Variants in SYTL5 observed in about 807,000 individuals in gnomAD.
SYTL5 encodes the protein synaptotagmin-like protein 5.
SYTL5 carries 34 observed loss-of-function variants against 55.9 expected under a neutral mutation model. The observed-to-expected ratio is 0.61, with a 90% confidence interval of 0.46 to 0.81. The LOEUF (loss-of-function observed/expected upper bound fraction) is 0.81. Among genes scored for constraint, SYTL5 ranks in the 30% least tolerant of loss-of-function variants. The pLI is 0.00. For synonymous variants in SYTL5, 221 were observed against 188.7 expected, an observed-to-expected ratio of 1.17 and a Z score of -1.40; for missense variants, 637 against 546.7, an observed-to-expected ratio of 1.17 and a Z score of -1.65.
the SYTL5 span, among the ~76,000 whole-genome samples, chrX:37,949,565 A>G: frequency 0.042 from 4,697 of 111,408 alleles, 238 homozygotes; most frequent in African/African-American, 0.15. Flanking sequence ...AATTTCTTAC[A>G]CCTCACAAGA....
the SYTL5 span, among the ~76,000 whole-genome samples, chrX:38,000,647 C>T: frequency 8.9e-6 from 1 of 112,588 alleles, no homozygotes; most frequent in Non-Finnish European, 1.9e-5. Flanking sequence ...GACCCACTGC[C>T]TTATCGCAAG....
At chrX:37,955,046 TC>T in the SYTL5 span, among the ~76,000 whole-genome samples, 1 of 111,327 alleles carries the variant, frequency 9.0e-6, no homozygotes. Flanking sequence ...GAACACTGGA[TC>T]TTTTTACCAC....
chrX:38,035,755 C>T (rs1006507763), intron 2 of SYTL5, among the ~76,000 whole-genome samples: 5 of 108,662 alleles, frequency 4.6e-5, no homozygotes, highest in South Asian at 8.1e-4. Context: ...ATTAGCAGGG[C>T]GTGGTGGTGC....
intron 5 of SYTL5, among the ~76,000 whole-genome samples, chrX:38,076,241 C>G (rs931648438): frequency 2.7e-5 from 3 of 112,023 alleles, no homozygotes; most frequent in Non-Finnish European, 5.6e-5. Context: ...ACTCTCTATT[C>G]TCACTATTCC....
chrX:38,113,244 CA>C (rs753244815), intron 13 of SYTL5, among the ~76,000 whole-genome samples: 1 of 112,284 alleles, frequency 8.9e-6, no homozygotes, highest in African/African-American at 3.2e-5. Flanking sequence ...AAGGTTTTAT[CA>C]GTATGAATTG....
upstream of SYTL5, among the ~76,000 whole-genome samples, chrX:38,005,220 A>G (rs1933960090): frequency 8.9e-6 from 1 of 111,781 alleles, no homozygotes; most frequent in Admixed American, 9.5e-5. Context: ...ATTCTATGGA[A>G]ATGCCAATAT....
chrX:38,086,372 A>G (rs1446364089), intron 6 of SYTL5, among the ~76,000 whole-genome samples: 1 of 112,302 alleles, frequency 8.9e-6, no homozygotes, highest in Non-Finnish European at 1.9e-5. Context: ...AATTAGAGAT[A>G]ACAAAACAGA....
chrX:38,017,986 C>T (rs910990174), intron 1 of SYTL5, among the ~76,000 whole-genome samples: 3 of 109,266 alleles, frequency 2.7e-5, no homozygotes, highest in African/African-American at 1.0e-4. Context: ...TCCTTCAGAC[C>T]CCCAATAAAC....
chrX:37,922,816 G>A, the SYTL5 span, among the ~76,000 whole-genome samples: 5 of 111,239 alleles, frequency 4.5e-5, no homozygotes, highest in African/African-American at 1.3e-4. Context: ...CAAGCTTAAC[G>A]TGAATTTTCT....
chrX:37,980,707 T>G, the SYTL5 span, among the ~76,000 whole-genome samples: 1 of 111,358 alleles, frequency 9.0e-6, no homozygotes, highest in African/African-American at 3.3e-5. Flanking sequence ...TAAGAGAAGT[T>G]CAGGACTTCA....
Position 38,039,403 on chromosome X carries a change from G to A in SYTL5, c.119+5395G>A, listed in dbSNP as rs772373197. Among the ~76,000 whole-genome samples the A allele has an allele frequency of 3.5e-4, 39 of 111,940 alleles. 1 individual carries two copies. The highest frequency in any genetic ancestry group is 3.2e-3 in the Admixed American group (34 of 10,611). ...TACTGACAGTTTCGAAGCACAAAAT[G>A]GAAATCATTGTTGATTATTTTGATT... On this transcript the variant is annotated intron_variant, in intron 2 of 16. Transcript: ENST00000297875.
At chrX:38,090,149 A>T (rs772327390) in intron 7 of SYTL5, among the ~76,000 whole-genome samples, 2 of 112,263 alleles carry the variant, frequency 1.8e-5, no homozygotes, top group African/African-American at 3.2e-5. Context: ...TTAAATTGCT[A>T]TATGGCTTAA....
chrX:37,992,328 C>T, the SYTL5 span, among the ~76,000 whole-genome samples: 1 of 112,935 alleles, frequency 8.9e-6, no homozygotes, highest in African/African-American at 3.2e-5. Flanking sequence ...TCCACCTCTT[C>T]CTTGGGTCCT....
the SYTL5 span, among the ~76,000 whole-genome samples, chrX:37,911,583 CT>C: frequency 3.7e-4 from 41 of 111,333 alleles, no homozygotes; most frequent in African/African-American, 1.3e-3. Flanking sequence ...AATTTCCCCC[CT>C]AAAACATTAA....
At chrX:38,113,803 C>A (rs1309943784) in intron 13 of SYTL5, among the ~76,000 whole-genome samples, 5 of 111,489 alleles carry the variant, frequency 4.5e-5, no homozygotes, top group African/African-American at 6.5e-5. Context: ...CTAGAGAGGG[C>A]TTGGTTTGCA....
chrX:38,029,166 A>G (rs1363030119), intron 1 of SYTL5, among the ~76,000 whole-genome samples: 1 of 112,166 alleles, frequency 8.9e-6, no homozygotes, highest in Non-Finnish European at 1.9e-5. Context: ...GAAGAACTGA[A>G]TAATACCCCT....
the SYTL5 span, among the ~76,000 whole-genome samples, chrX:37,905,292 C>A: frequency 9.1e-6 from 1 of 110,389 alleles, no homozygotes; most frequent in Non-Finnish European, 1.9e-5. Flanking sequence ...AAGGGGGCTC[C>A]TAGGAGATGA....
At chrX:37,905,792 G>C in the SYTL5 span, among the ~76,000 whole-genome samples, 3 of 113,041 alleles carry the variant, frequency 2.7e-5, no homozygotes, top group African/African-American at 9.6e-5. Flanking sequence ...GGAGATCCAC[G>C]AAGGAGGCTT....
At chrX:38,117,541 C>T (rs771567164) in intron 13 of SYTL5, among the ~76,000 whole-genome samples, 1 of 112,271 alleles carries the variant, frequency 8.9e-6, no homozygotes, top group South Asian at 3.7e-4. Context: ...TACCTTAAAC[C>T]TTCGGGGCTT....
Sources: allele counts gnomAD v4.1 joint callset (sites outside exome capture counted in the v4.1 genomes callset), GRCh38; gene constraint gnomAD v4.1.1; transcripts MANE v1.5; gene names NCBI Gene and HGNC (gene_info 2026-07-23, HGNC 2026-07-21).